The following SAMD5 variants were observed in gnomAD, a reference collection of about 807,000 sequenced individuals.
The protein encoded by SAMD5 is sterile alpha motif domain containing 5.
A neutral mutation model predicts 11.3 loss-of-function variants in SAMD5; 13 were observed. The ratio of observed to expected loss-of-function variants is 1.15; its 90% CI spans 0.75 to 1.83. SAMD5 has a LOEUF of 1.83. SAMD5 is among the 40% of genes most tolerant of loss of function. The pLI, the probability that SAMD5 is intolerant of heterozygous loss-of-function variation, is 0.00. For synonymous variants in SAMD5, 129 were observed against 111.3 expected, an observed-to-expected ratio of 1.16 and a Z score of -1.00; for missense variants, 255 against 239.1, an observed-to-expected ratio of 1.07 and a Z score of -0.44.
intron 1 of SAMD5, among the ~76,000 whole-genome samples, chr6:147,617,380 C>G (rs936872479): frequency 6.6e-6 from 1 of 152,110 alleles, no homozygotes; most frequent in Non-Finnish European, 1.5e-5. Context: ...GGAAAAGTAC[C>G]CGGAAAAAGC....
chr6:147,530,653 G>A (rs975959440), intron 1 of SAMD5, among the ~76,000 whole-genome samples: 4 of 152,182 alleles, frequency 2.6e-5, no homozygotes, highest in Non-Finnish European at 5.9e-5. Flanking sequence ...ACCAGTGAGA[G>A]GCAAACCTTG....
chr6:147,910,187 T>G, the SAMD5 span, among the ~76,000 whole-genome samples: 1 of 151,988 alleles, frequency 6.6e-6, no homozygotes, highest in African/African-American at 2.4e-5. Flanking sequence ...GATATTCCCC[T>G]CAAATAGAAG....
chr6:147,836,131 C>T, the SAMD5 span, among the ~76,000 whole-genome samples: 1 of 152,290 alleles, frequency 6.6e-6, no homozygotes, highest in South Asian at 2.1e-4. Context: ...CCTCCCAACC[C>T]CAGTATTTTC....
chr6:147,948,858 T>C, the SAMD5 span, among the ~76,000 whole-genome samples: 1 of 152,184 alleles, frequency 6.6e-6, no homozygotes, highest in Non-Finnish European at 1.5e-5. Context: ...AAACTGCTCT[T>C]GAAACGTTCA....
chr6:147,521,558 T>G (rs1211709097), intron 1 of SAMD5, among the ~76,000 whole-genome samples: 1 of 152,088 alleles, frequency 6.6e-6, no homozygotes. Flanking sequence ...ACTGTTTACT[T>G]GAATAAGTTA....
At chr6:147,679,328 CTT>C (rs1312095199) in intron 1 of SAMD5, among the ~76,000 whole-genome samples, 1 of 152,074 alleles carries the variant, frequency 6.6e-6, no homozygotes, top group Non-Finnish European at 1.5e-5. Flanking sequence ...GATGGCCAGA[CTT>C]TTTCATTTTA....
intron 1 of SAMD5, among the ~76,000 whole-genome samples, chr6:147,701,384 G>A (rs1012949588): frequency 2.6e-4 from 39 of 152,100 alleles, no homozygotes; most frequent in Admixed American, 2.2e-3. Context: ...CTATAATCCC[G>A]GCACTTTGGG....
At chr6:147,939,121 T>C in the SAMD5 span, among the ~76,000 whole-genome samples, 2 of 152,050 alleles carry the variant, frequency 1.3e-5, no homozygotes, top group Admixed American at 6.5e-5. Context: ...CAGTTTATCA[T>C]AAAGGATACA....
chr6:147,723,638 A>AT (rs1218449456), intron 1 of SAMD5, among the ~76,000 whole-genome samples: 1 of 151,944 alleles, frequency 6.6e-6, no homozygotes, highest in Non-Finnish European at 1.5e-5. Flanking sequence ...GGGGCTCCTG[A>AT]TTTTTTTTAA....
At chr6:147,598,276 C>T (rs1349125233) in intron 1 of SAMD5, among the ~76,000 whole-genome samples, 4 of 151,982 alleles carry the variant, frequency 2.6e-5, no homozygotes, top group Admixed American at 1.3e-4. Flanking sequence ...ATGTGTACAC[C>T]ACCACACCTG....
At chr6:147,546,249 G>A (rs1187869370) in intron 1 of SAMD5, among the ~76,000 whole-genome samples, 1 of 152,120 alleles carries the variant, frequency 6.6e-6, no homozygotes, top group Non-Finnish European at 1.5e-5. Flanking sequence ...TGAGGCCTGG[G>A]CTGGGCGCGG....
chr6:147,927,719 A>G, the SAMD5 span, among the ~76,000 whole-genome samples: 2 of 152,120 alleles, frequency 1.3e-5, no homozygotes, highest in South Asian at 2.1e-4. Flanking sequence ...GGGAGTGATG[A>G]GAGAGGGCAC....
In SAMD5 at chr6:147,685,048, T is replaced by C. The variant is rs79102101; in HGVS notation, c.163-52269T>C. 1.9e-3 allele frequency among the ~76,000 whole-genome samples: 284 copies of C among 152,356 alleles called. 1 individual carries two copies. The highest frequency in any genetic ancestry group is 6.5e-3 in the African/African-American group (272 of 41,586). On this transcript the variant is annotated intron_variant, in intron 1 of 1. Transcript: ENST00000566741. Reference sequence around the variant, plus strand: ...TTGGATAGGGCTTGCCTTCTCATTGTGTAACTTATGGAATGGAGCAAGCAT... The same window carrying C: ...TTGGATAGGGCTTGCCTTCTCATTGCGTAACTTATGGAATGGAGCAAGCAT...
At chr6:147,722,872 T>G (rs1054968554) in intron 1 of SAMD5, among the ~76,000 whole-genome samples, 1 of 152,216 alleles carries the variant, frequency 6.6e-6, no homozygotes, top group Non-Finnish European at 1.5e-5. Flanking sequence ...TCTGTAGTTA[T>G]GTTGGGCCTG....
the SAMD5 span, among the ~76,000 whole-genome samples, chr6:147,932,591 TGTG>T: frequency 2.8e-3 from 6 of 2,122 alleles, no homozygotes; most frequent in East Asian, 0.029. Flanking sequence ...TACAGAATTG[TGTG>T]TGTGTGTGTG....
At chr6:147,862,585 A>G in the SAMD5 span, among the ~76,000 whole-genome samples, 3 of 152,240 alleles carry the variant, frequency 2.0e-5, no homozygotes, top group African/African-American at 7.2e-5. Context: ...TTGAAAGGCC[A>G]GATGTGAGGG....
At chr6:147,626,024 G>A (rs969428796) in intron 1 of SAMD5, among the ~76,000 whole-genome samples, 1 of 152,118 alleles carries the variant, frequency 6.6e-6, no homozygotes, top group South Asian at 2.1e-4. Flanking sequence ...CTAAGCGGAA[G>A]TCTTCTGATT....
At chr6:147,538,002 T>C (rs1788540554) in intron 1 of SAMD5, among the ~76,000 whole-genome samples, 1 of 152,158 alleles carries the variant, frequency 6.6e-6, no homozygotes, top group African/African-American at 2.4e-5. Flanking sequence ...TTAAGGCTAG[T>C]TTTTTAAATA....
At chr6:147,801,415 G>C in the SAMD5 span, among the ~76,000 whole-genome samples, 1 of 151,988 alleles carries the variant, frequency 6.6e-6, no homozygotes, top group East Asian at 1.9e-4. Flanking sequence ...TAAAAACAGA[G>C]ATTGAAAACC....
Sources: gnomAD v4.1 joint callset for allele counts (sites outside exome capture counted in the v4.1 genomes callset) on GRCh38, gnomAD v4.1.1 for gene constraint, MANE v1.5 for transcripts, NCBI Gene and HGNC (gene_info 2026-07-23, HGNC 2026-07-21) for gene names.